The following C10orf90 variants were observed in gnomAD, a reference collection of about 807,000 sequenced individuals.
The protein encoded by C10orf90 is chromosome 10 open reading frame 90.
C10orf90 carries 56 observed loss-of-function variants against 62.5 expected under a neutral mutation model. The ratio of observed to expected loss-of-function variants is 0.90; its 90% CI spans 0.72 to 1.12. The LOEUF is 1.12. Among genes scored for constraint, C10orf90 ranks in the 50% most tolerant of loss-of-function variants. The pLI is 0.00. For synonymous variants in C10orf90, 386 were observed against 340.4 expected (o/e 1.13, Z -1.47); for missense variants, 970 against 880.4 (o/e 1.10, Z -1.29).
rs1490970240 is a variant in C10orf90, at chr10:126,459,160, T to G, written c.2068A>C (p.Lys690Gln). Reference sequence around the variant, plus strand: ...CTCTGCTGGACCATGTGTTCAAGCTTCTTCAGCCGTTCTTGTGAGCGAGAA... The same window carrying G: ...CTCTGCTGGACCATGTGTTCAAGCTGCTTCAGCCGTTCTTGTGAGCGAGAA... ...FISRSQERLKKLEHMVQQRKA... is the reference protein window; with the variant it reads ...FISRSQERLKQLEHMVQQRKA... Residue 690 changes from lysine (K) to glutamine (Q), a missense_variant, in exon 7 of 10, where the codon AAG (lysine) becomes CAG (glutamine). Transcript: ENST00000488181. 1.2e-6 allele frequency: 2 copies of G among 1,614,118 alleles called. No individual in the cohort carries two copies. The highest frequency in any genetic ancestry group is 2.7e-5 in the African/African-American group (2 of 74,942).
rs570164724 is a variant in C10orf90, at chr10:126,449,399, G to A, written c.2188+9641C>T. ...AAGGAATATACCTCAACACATTAAC[G>A]GCCATATATAATAAGCCCACAGCTA... is the stretch of plus-strand genomic sequence containing the variant. On this transcript the variant is annotated intron_variant, in intron 7 of 9. Transcript: ENST00000488181. 7.2e-5 allele frequency among the ~76,000 whole-genome samples: 11 copies of A among 152,058 alleles called. No individual in the cohort carries two copies. In the East Asian group the frequency reaches 7.7e-4, roughly 11 times the overall value.
chr10:126,571,313 A>T (rs2134003960), intron 2 of C10orf90, among the ~76,000 whole-genome samples: 1 of 152,334 alleles, frequency 6.6e-6, no homozygotes, highest in African/African-American at 2.4e-5. Context: ...GCCAAAGGGC[A>T]GGTGAGACTC....
At chr10:126,621,370 G>A (rs1465580588) in intron 2 of C10orf90, among the ~76,000 whole-genome samples, 1 of 152,114 alleles carries the variant, frequency 6.6e-6, no homozygotes, top group East Asian at 1.9e-4. Context: ...TTATCAATTT[G>A]TATGACACTT....
At position 126,429,879 on chromosome 10, in the gene C10orf90, C is replaced by G. The variant is rs761034007; in HGVS notation, c.2189-29G>C. On this transcript the variant is annotated intron_variant, in intron 7 of 9. Transcript: ENST00000488181. The stretch of plus-strand genomic sequence containing the variant: ...GAAAAAATAGAAAGAGAATTAAGTT[C>G]AGAAGGCATAGAATCTCACACATTT... 2.0e-5 allele frequency: 32 copies of G among 1,570,938 alleles called. 1 individual carries two copies. In the South Asian group the frequency reaches 3.5e-4, roughly 17 times the overall value.
At chr10:126,594,411 G>A (rs1845043187) in intron 2 of C10orf90, among the ~76,000 whole-genome samples, 1 of 152,150 alleles carries the variant, frequency 6.6e-6, no homozygotes. Context: ...TTGGGAAGAT[G>A]AGTGTGGACA....
intron 4 of C10orf90, among the ~76,000 whole-genome samples, chr10:126,472,190 A>C (rs147354401): frequency 1.3e-5 from 2 of 152,172 alleles, no homozygotes; most frequent in African/African-American, 4.8e-5. Context: ...TCCCAAAGTG[A>C]CCCTTTGAAG....
At chr10:126,594,516 C>T (rs1845045536) in intron 2 of C10orf90, among the ~76,000 whole-genome samples, 2 of 152,136 alleles carry the variant, frequency 1.3e-5, no homozygotes, top group African/African-American at 4.8e-5. Context: ...GATGCTACAT[C>T]CAGGGTGAAC....
chr10:126,454,492 C>T (rs535902865), intron 7 of C10orf90, among the ~76,000 whole-genome samples: 46 of 151,430 alleles, frequency 3.0e-4, no homozygotes, highest in African/African-American at 1.0e-3. Flanking sequence ...TGTGCCCCTA[C>T]GACCTGCAGG....
chr10:126,610,930 T>C (rs544337912), intron 2 of C10orf90, among the ~76,000 whole-genome samples: 9 of 152,344 alleles, frequency 5.9e-5, no homozygotes, highest in African/African-American at 2.2e-4. Flanking sequence ...CTATATTCTA[T>C]TTTTCTTTCT....
Position 126,662,518 on chromosome 10 carries a change from C to T in C10orf90, c.240+7723G>A, listed in dbSNP as rs566453683. On this transcript the variant is annotated intron_variant, in intron 1 of 9. Transcript: ENST00000488181. Reference sequence around the variant, plus strand: ...CTCAAGAAGTGTGCCTTGCAAATAACAGTCACATCCTGTGTCTTCTCAGCT... The same window carrying T: ...CTCAAGAAGTGTGCCTTGCAAATAATAGTCACATCCTGTGTCTTCTCAGCT... 4.0e-4 allele frequency among the ~76,000 whole-genome samples: 61 copies of T among 152,280 alleles called. No homozygotes were observed. In the South Asian group the frequency reaches 4.4e-3, roughly 11 times the overall value.
At chr10:126,599,380 T>TA (rs1845151256) in intron 2 of C10orf90, among the ~76,000 whole-genome samples, 1 of 151,654 alleles carries the variant, frequency 6.6e-6, no homozygotes, top group South Asian at 2.1e-4. Flanking sequence ...TTCTTTTTTT[T>TA]AAGTAGAGAT....
intron 7 of C10orf90, 149 bp downstream of exon 7, chr10:126,458,891 G>A (rs1368633205): frequency 1.2e-6 from 1 of 833,790 alleles, no homozygotes; most frequent in African/African-American, 1.7e-5. Flanking sequence ...CAGGATTTAT[G>A]ATGCTGAGGG....
chr10:126,426,528 C>A (rs1162566488), intron 8 of C10orf90, among the ~76,000 whole-genome samples: 1 of 152,176 alleles, frequency 6.6e-6, no homozygotes, highest in Non-Finnish European at 1.5e-5. Context: ...AGAAAAGGAA[C>A]AGCATATAAA....
chr10:126,543,253 C>T (rs1864417537), intron 2 of C10orf90, among the ~76,000 whole-genome samples: 1 of 152,170 alleles, frequency 6.6e-6, no homozygotes, highest in African/African-American at 2.4e-5. Flanking sequence ...TTCAAGCCTG[C>T]TAGCTCTGCC....
intron 2 of C10orf90, among the ~76,000 whole-genome samples, chr10:126,556,288 A>T (rs991914640): frequency 4.6e-5 from 7 of 152,182 alleles, no homozygotes; most frequent in African/African-American, 1.4e-4. Context: ...AGGGACAAGG[A>T]TGCAAGAAGC....
At chr10:126,431,235 T>C (rs1481537061) in intron 7 of C10orf90, among the ~76,000 whole-genome samples, 1 of 152,232 alleles carries the variant, frequency 6.6e-6, no homozygotes, top group Non-Finnish European at 1.5e-5. Flanking sequence ...TGAATGCTTC[T>C]TTTTAGCAAC....
At chr10:126,431,800 T>C (rs113846757) in intron 7 of C10orf90, among the ~76,000 whole-genome samples, 7,363 of 152,324 alleles carry the variant, frequency 0.048, 235 homozygotes, top group Non-Finnish European at 0.077. Context: ...CTTTCTTTTT[T>C]TTTCAGTTTG....
At chr10:126,574,262 C>T (rs115666052) in intron 2 of C10orf90, among the ~76,000 whole-genome samples, 3,738 of 151,958 alleles carry the variant, frequency 0.025, 149 homozygotes, top group African/African-American at 0.084. Flanking sequence ...ATTGAGCACT[C>T]GTATGTGAGA....
At chr10:126,542,528 A>G (rs1458367451) in intron 2 of C10orf90, among the ~76,000 whole-genome samples, 1 of 151,920 alleles carries the variant, frequency 6.6e-6, no homozygotes, top group African/African-American at 2.4e-5. Flanking sequence ...AAAAAATAAT[A>G]CTTTTTTTAA....
Sources: gnomAD v4.1 joint callset for allele counts (sites outside exome capture counted in the v4.1 genomes callset) on GRCh38, gnomAD v4.1.1 for gene constraint, MANE v1.5 for transcripts, NCBI Gene and HGNC (gene_info 2026-07-23, HGNC 2026-07-21) for gene names.